The following GRIK2 variants were observed in gnomAD, a reference collection of about 807,000 sequenced individuals.
GRIK2 encodes glutamate ionotropic receptor kainate type subunit 2.
Under a neutral mutation model 100.3 loss-of-function variants are expected in GRIK2, and 32 were observed. That is an observed-to-expected ratio of 0.32 (90% CI 0.24 to 0.43). The LOEUF is 0.43. Ranked by LOEUF, GRIK2 falls within the 20% of genes least tolerant of loss-of-function variation. The pLI, the probability that GRIK2 is intolerant of heterozygous loss-of-function variation, is 1.00. For missense variants in GRIK2, 843 were observed against 1,114.9 expected (o/e 0.76, Z 3.47); for synonymous variants, 417 against 389.4 (o/e 1.07, Z -0.83).
At chr6:101,705,312 C>T (rs1773191295) in intron 7 of GRIK2, among the ~76,000 whole-genome samples, 1 of 151,128 alleles carries the variant, frequency 6.6e-6, no homozygotes, top group Non-Finnish European at 1.5e-5. Flanking sequence ...TTTTTTTTAA[C>T]TGTAGCCTAT....
intron 7 of GRIK2, among the ~76,000 whole-genome samples, chr6:101,791,406 T>C (rs1779846420): frequency 6.6e-6 from 1 of 152,184 alleles, no homozygotes; most frequent in Non-Finnish European, 1.5e-5. Flanking sequence ...TGGTATGTTG[T>C]GTTTTTGTTC....
chr6:101,696,181 G>A (rs904145908), intron 7 of GRIK2, among the ~76,000 whole-genome samples: 1 of 151,796 alleles, frequency 6.6e-6, no homozygotes, highest in Non-Finnish European at 1.5e-5. Flanking sequence ...TCCCTGCTGT[G>A]ATTTATAATG....
chr6:101,608,308 G>T lies in GRIK2; in HGVS notation c.116-13641G>T, dbSNP rs536765492. 5.5e-4 allele frequency among the ~76,000 whole-genome samples: 84 copies of T among 151,736 alleles called. 1 individual carries two copies. Among genetic ancestry groups the T allele is most frequent in the African/African-American group, 1.7e-3 (72 of 41,406 alleles). On this transcript the variant is annotated intron_variant, in intron 2 of 16. Coordinates refer to ENST00000369134, the MANE Select transcript of GRIK2 (RefSeq NM_021956.5). ...TATAAATTTAACCATGCATTTTAAC[G>T]ATTGCACAGTATTCCTCTGGTGGTT...
At chr6:101,805,429 A>G (rs541080374) in intron 9 of GRIK2, among the ~76,000 whole-genome samples, 1 of 152,146 alleles carries the variant, frequency 6.6e-6, no homozygotes, top group South Asian at 2.1e-4. Context: ...GATGCTAGAA[A>G]TTTTAATCGT....
intron 9 of GRIK2, among the ~76,000 whole-genome samples, chr6:101,814,010 C>T (rs1364723023): frequency 6.6e-6 from 1 of 151,652 alleles, no homozygotes; most frequent in African/African-American, 2.4e-5. Context: ...GTATGTGTGG[C>T]AGCAGAATGG....
At chr6:101,898,191 T>G (rs1254890465) in intron 12 of GRIK2, among the ~76,000 whole-genome samples, 1 of 151,866 alleles carries the variant, frequency 6.6e-6, no homozygotes, top group Non-Finnish European at 1.5e-5. Flanking sequence ...AGATTAGAGA[T>G]GTTTTCTTTT....
intron 14 of GRIK2, among the ~76,000 whole-genome samples, chr6:102,006,485 C>G (rs1236841182): frequency 3.3e-5 from 5 of 149,578 alleles, no homozygotes; most frequent in African/African-American, 1.2e-4. Context: ...TCTGTCATCT[C>G]AACCTCTTGA....
chr6:101,632,860 G>A (rs1421127299), intron 4 of GRIK2, among the ~76,000 whole-genome samples: 1 of 152,016 alleles, frequency 6.6e-6, no homozygotes, highest in African/African-American at 2.4e-5. Context: ...AGGAGAAGAA[G>A]GGCTCAGGAG....
chr6:101,600,102 T>C (rs1439534883), intron 2 of GRIK2, among the ~76,000 whole-genome samples: 1 of 151,728 alleles, frequency 6.6e-6, no homozygotes, highest in Non-Finnish European at 1.5e-5. Context: ...AGGAATCTAG[T>C]TTTATTCTTC....
At chr6:101,777,061 A>G (rs1778792023) in intron 7 of GRIK2, among the ~76,000 whole-genome samples, 1 of 152,212 alleles carries the variant, frequency 6.6e-6, no homozygotes, top group African/African-American at 2.4e-5. Context: ...TTAATGTATT[A>G]TCTCATGCAG....
At chr6:102,043,405 C>CTT (rs1197222095) in intron 15 of GRIK2, among the ~76,000 whole-genome samples, 1 of 151,568 alleles carries the variant, frequency 6.6e-6, no homozygotes, top group Non-Finnish European at 1.5e-5. Context: ...ATTTTTTACC[C>CTT]TTTGACCATC....
chr6:101,414,838 C>T (rs1302394279), intron 2 of GRIK2, among the ~76,000 whole-genome samples: 3 of 152,190 alleles, frequency 2.0e-5, no homozygotes, highest in African/African-American at 7.2e-5. Context: ...AGGGTCTTTT[C>T]TTGTAGAAGA....
chr6:101,930,527 T>G (rs138895304), intron 14 of GRIK2, among the ~76,000 whole-genome samples: 58 of 152,102 alleles, frequency 3.8e-4, no homozygotes, highest in African/African-American at 1.3e-3. Flanking sequence ...ACACAAAAAT[T>G]TGACACCAGA....
At chr6:101,634,528 G>C (rs1780913819) in intron 4 of GRIK2, among the ~76,000 whole-genome samples, 1 of 151,974 alleles carries the variant, frequency 6.6e-6, no homozygotes, top group South Asian at 2.1e-4. Context: ...GCTTCCATTG[G>C]CATTTTGCTG....
At chr6:101,577,430 T>G (rs992118311) in intron 2 of GRIK2, among the ~76,000 whole-genome samples, 1 of 152,094 alleles carries the variant, frequency 6.6e-6, no homozygotes, top group African/African-American at 2.4e-5. Flanking sequence ...AAAAAATATT[T>G]AGAGTAATTT....
chr6:101,530,913 A>T (rs1182323780), intron 2 of GRIK2, among the ~76,000 whole-genome samples: 1 of 151,990 alleles, frequency 6.6e-6, no homozygotes, highest in Non-Finnish European at 1.5e-5. Context: ...GGAAAGAGCC[A>T]TTGACGAATA....
intron 16 of GRIK2, among the ~76,000 whole-genome samples, chr6:102,065,192 G>A (rs1348954114): frequency 6.6e-6 from 1 of 151,016 alleles, no homozygotes; most frequent in Non-Finnish European, 1.5e-5. Context: ...TGACGACAAT[G>A]GTGATTTACA....
chr6:101,632,023 T>C (rs1212151517), intron 4 of GRIK2, among the ~76,000 whole-genome samples: 1 of 152,098 alleles, frequency 6.6e-6, no homozygotes, highest in Non-Finnish European at 1.5e-5. Flanking sequence ...CACCTTTTAG[T>C]TGTTGAAAAT....
chr6:101,925,606 A>G (rs867628925), intron 13 of GRIK2, among the ~76,000 whole-genome samples: 1 of 152,016 alleles, frequency 6.6e-6, no homozygotes, highest in Non-Finnish European at 1.5e-5. Flanking sequence ...AAATTAGTAA[A>G]TAAAGCAAAA....
Sources: allele counts gnomAD v4.1 joint callset (sites outside exome capture counted in the v4.1 genomes callset), GRCh38; gene constraint gnomAD v4.1.1; transcripts MANE v1.5; gene names NCBI Gene and HGNC (gene_info 2026-07-23, HGNC 2026-07-21).